Variants in L2HGDH observed in about 807,000 individuals in gnomAD.
L2HGDH encodes L-2-hydroxyglutarate dehydrogenase, mitochondrial.
A neutral mutation model predicts 51.5 loss-of-function variants in L2HGDH; 34 were observed. The ratio of observed to expected loss-of-function variants is 0.66; its 90% CI spans 0.50 to 0.88. The LOEUF (loss-of-function observed/expected upper bound fraction) is 0.88, where lower values mean the gene tolerates loss of function less well. L2HGDH is among the 40% of genes least tolerant of loss of function. The pLI is 0.00. For missense variants in L2HGDH, 558 were observed against 571.9 expected, an observed-to-expected ratio of 0.98 and a Z score of 0.25; for synonymous variants, 198 against 197.9, an observed-to-expected ratio of 1.00 and a Z score of -0.01.
At position 50,306,605 on chromosome 14, in the gene L2HGDH, T is replaced by G. The variant is rs1379022569; in HGVS notation, c.141-3588A>C. On this transcript the variant is annotated intron_variant, in intron 1 of 9. Transcript: ENST00000267436. ...GGGGGTTTTTTTGTTTTGGGGTTTT[T>G]TTTTTTTTTTTAGATGGAGACTAGT... 1.9e-3 allele frequency among the ~76,000 whole-genome samples: 281 copies of G among 150,304 alleles called. 1 individual carries two copies. The highest frequency in any genetic ancestry group is 6.3e-3 in the African/African-American group (259 of 41,026).
At chr14:50,284,329 T>A (rs1890444559) in intron 4 of L2HGDH, among the ~76,000 whole-genome samples, 1 of 152,246 alleles carries the variant, frequency 6.6e-6, no homozygotes, top group Admixed American at 6.5e-5. Flanking sequence ...TAGTAAGAAC[T>A]CAAGAGTTGT....
rs1029272097 is a variant in L2HGDH at position 50,243,533 on chromosome 14, T to A, written c.*3525A>T. Reference sequence around the variant, plus strand: ...ATACATTTCTTCTGTCAGAAATACATAAAACTTTATTATATCAGTATTAAA... The same window carrying A: ...ATACATTTCTTCTGTCAGAAATACAAAAAACTTTATTATATCAGTATTAAA... On this transcript the variant is annotated 3_prime_UTR_variant, in exon 10 of 10. Coordinates refer to ENST00000267436, the MANE Select transcript of L2HGDH (RefSeq NM_024884.3). The A allele has an allele frequency of 1.4e-6, 1 of 737,986 alleles. No homozygotes were observed. The highest frequency in any genetic ancestry group is 1.7e-6 in the Non-Finnish European group (1 of 604,730). 45.7% of individuals were successfully genotyped at this position (737,986 alleles called of 1,614,324 possible). A position where few individuals can be genotyped will look rare whatever the true frequency, so the allele number is the denominator to read the frequency against.
intron 2 of L2HGDH, among the ~76,000 whole-genome samples, 166 bp downstream of exon 2, chr14:50,302,736 C>T (rs1369643917): frequency 6.6e-6 from 1 of 152,158 alleles, no homozygotes; most frequent in African/African-American, 2.4e-5. Context: ...GTCCCACACT[C>T]GGCTTTAACC....
At chr14:50,291,943 C>A (rs1890906897) in intron 4 of L2HGDH, among the ~76,000 whole-genome samples, 1 of 152,034 alleles carries the variant, frequency 6.6e-6, no homozygotes, top group Non-Finnish European at 1.5e-5. Context: ...TTATTTAGAA[C>A]CAATACACGA....
At position 50,246,767 on chromosome 14, in the gene L2HGDH, G is replaced by C; in HGVS notation, c.*291C>G. 3.6e-6 allele frequency: 1 copy of C among 276,874 alleles called. No homozygotes were observed. Among genetic ancestry groups the C allele is most frequent in the Non-Finnish European group, 6.8e-6 (1 of 147,970 alleles). The allele number at this position is 276,874 out of a possible 1,614,324, so 17.2% of individuals were successfully genotyped here. On this transcript the variant is annotated 3_prime_UTR_variant, in exon 10 of 10. Coordinates refer to ENST00000267436, the MANE Select transcript of L2HGDH (RefSeq NM_024884.3). ...ATTATTTTCTTGCTCTGTCACCCAG[G>C]CTGGAGTGCAGTGGTGCAATCTCAG...
At chr14:50,263,520 C>A (rs927587360) in intron 9 of L2HGDH, among the ~76,000 whole-genome samples, 1 of 152,150 alleles carries the variant, frequency 6.6e-6, no homozygotes, top group Non-Finnish European at 1.5e-5. Flanking sequence ...CACAGTCAAG[C>A]CTGCTGACAT....
At chr14:50,264,204 C>T (rs1050336213) in intron 9 of L2HGDH, among the ~76,000 whole-genome samples, 2 of 151,666 alleles carry the variant, frequency 1.3e-5, no homozygotes, top group Non-Finnish European at 2.9e-5. Flanking sequence ...ACAGGAGAAA[C>T]CCTGTCTCTA....
In L2HGDH at chr14:50,247,166, A is replaced by C. The variant is rs1888053719; in HGVS notation, c.1284T>G (p.Ile428Met). 1 of 1,614,220 alleles carries C rather than the reference A, an allele frequency of 6.2e-7. No homozygotes were observed. Among genetic ancestry groups the C allele is most frequent in the Non-Finnish European group, 8.5e-7 (1 of 1,180,028 alleles). Residue 428 changes from isoleucine (I) to methionine (M), a missense_variant, in exon 10 of 10, where the codon ATT becomes ATG. This residue lies in a region of L2HGDH where 321 missense variants were observed against 311.8 expected (regional missense o/e 1.03). Transcript: ENST00000267436. ...DFVFDAGVGD[I>M]GNRILHVRNA... ...TTCTCACATGAAGAATGCGATTTCC[A>C]ATATCCCCAACTCCTGCATCAAATA...
rs550524457 is a variant in L2HGDH at position 50,246,477 on chromosome 14, T to G, written c.*581A>C. 1 of 139,232 alleles carries G rather than the reference T, an allele frequency of 7.2e-6. No individual in the cohort carries two copies. The highest frequency in any genetic ancestry group is 2.2e-4 in the East Asian group (1 of 4,524). 8.6% of individuals were successfully genotyped at this position (139,232 alleles called of 1,614,324 possible). On this transcript the variant is annotated 3_prime_UTR_variant, in exon 10 of 10. Transcript: ENST00000267436. ...TTTTTTTTTTTTTGAGACAAGATCTTGCTCTATCATCCAGCCTGGAATGCA... is the reference window on the plus strand; with the variant it reads ...TTTTTTTTTTTTTGAGACAAGATCTGGCTCTATCATCCAGCCTGGAATGCA...
chr14:50,257,608 C>G (rs918377054), intron 9 of L2HGDH, among the ~76,000 whole-genome samples: 1 of 151,972 alleles, frequency 6.6e-6, no homozygotes, highest in African/African-American at 2.4e-5. Flanking sequence ...TGGACCCAAA[C>G]AATCCTCCCA....
At chr14:50,260,418 G>A (rs917525623) in intron 9 of L2HGDH, among the ~76,000 whole-genome samples, 12 of 152,042 alleles carry the variant, frequency 7.9e-5, no homozygotes, top group South Asian at 6.2e-4. Flanking sequence ...TACAATTATC[G>A]AAATTTACTA....
intron 7 of L2HGDH, 30 bp from the exon 8 acceptor site, chr14:50,267,940 T>C: frequency 6.3e-7 from 1 of 1,599,278 alleles, no homozygotes; most frequent in Non-Finnish European, 8.6e-7. Context: ...AATAACAGCC[T>C]CATTTCACAT....
intron 4 of L2HGDH, among the ~76,000 whole-genome samples, chr14:50,289,729 C>T (rs1251352290): frequency 6.6e-6 from 1 of 152,088 alleles, no homozygotes; most frequent in Non-Finnish European, 1.5e-5. Context: ...TAGCCGAATG[C>T]CTTATACATA....
chr14:50,267,057 T>TC (rs913376466), intron 8 of L2HGDH, among the ~76,000 whole-genome samples: 2 of 152,096 alleles, frequency 1.3e-5, no homozygotes, highest in Admixed American at 1.3e-4. Flanking sequence ...ATCTATTTCC[T>TC]CCCCCACCAA....
chr14:50,244,836 A>C lies in L2HGDH; in HGVS notation c.*2222T>G. The C allele has an allele frequency of 1.0e-6, 1 of 985,476 alleles. No homozygotes were observed. Among genetic ancestry groups the C allele is most frequent in the Non-Finnish European group, 1.2e-6 (1 of 829,940 alleles). 61.0% of individuals were successfully genotyped at this position (985,476 alleles called of 1,614,324 possible). A position where few individuals can be genotyped will look rare whatever the true frequency, so the allele number is the denominator to read the frequency against. ...TCACCCATCCATCATACAGCTTTGGAGAGCTAAGAGGAAAGAAGACATACA... is the reference window on the plus strand; with the variant it reads ...TCACCCATCCATCATACAGCTTTGGCGAGCTAAGAGGAAAGAAGACATACA... On this transcript the variant is annotated 3_prime_UTR_variant, in exon 10 of 10. Transcript: ENST00000267436.
chr14:50,310,597 G>T (rs997319476), intron 1 of L2HGDH, among the ~76,000 whole-genome samples: 3 of 151,986 alleles, frequency 2.0e-5, no homozygotes, highest in East Asian at 1.9e-4. Context: ...CATTGGGGAG[G>T]GGGGCTGAGG....
chr14:50,283,857 CA>C lies in L2HGDH; in HGVS notation c.703+13del, dbSNP rs768868129. 1.2e-6 allele frequency: 2 copies of C among 1,611,500 alleles called. No homozygotes were observed. Among genetic ancestry groups the C allele is most frequent in the Admixed American group, 1.7e-5 (1 of 59,986 alleles). The stretch of plus-strand genomic sequence containing the variant: ...GGCTGACTATATTCAATAGAAAAGA[CA>C]AGGATGGCTTACCATCTATACTTCT... On this transcript the variant is annotated intron_variant, in intron 5 of 9. Transcript: ENST00000267436.
intron 9 of L2HGDH, among the ~76,000 whole-genome samples, chr14:50,254,469 T>C (rs188187778): frequency 1.3e-5 from 2 of 152,236 alleles, no homozygotes; most frequent in Admixed American, 1.3e-4. Flanking sequence ...TTTTGTATAC[T>C]ATTTATAGTT....
chr14:50,299,672 T>C (rs1263325719), intron 3 of L2HGDH, among the ~76,000 whole-genome samples: 1 of 152,250 alleles, frequency 6.6e-6, no homozygotes, highest in African/African-American at 2.4e-5. Context: ...GTTCAACATA[T>C]GTAAATCAAT....
Sources: allele counts gnomAD v4.1 joint callset (sites outside exome capture counted in the v4.1 genomes callset), GRCh38; gene constraint gnomAD v4.1.1; regional missense constraint gnomAD v4.1.1; transcripts MANE v1.5; gene names NCBI Gene and HGNC (gene_info 2026-07-23, HGNC 2026-07-21).